Variants in WNT7A observed in about 807,000 individuals in gnomAD.
WNT7A encodes Wnt family member 7A, also known as protein Wnt-7a.
In WNT7A, 16 loss-of-function variants were observed where a neutral mutation model predicts 28.2. That is an observed-to-expected ratio of 0.57 (90% CI 0.38 to 0.86). The LOEUF (loss-of-function observed/expected upper bound fraction) is 0.86, where lower values mean the gene tolerates loss of function less well. WNT7A is among the 40% of genes least tolerant of loss of function. WNT7A has a pLI of 0.00. For synonymous variants in WNT7A, 190 were observed against 195.9 expected (o/e 0.97, Z 0.25); for missense variants, 411 against 489.7 (o/e 0.84, Z 1.52).
intron 3 of WNT7A, among the ~76,000 whole-genome samples, chr3:13,836,825 C>A (rs1694378286): frequency 6.6e-6 from 1 of 152,236 alleles, no homozygotes; most frequent in African/African-American, 2.4e-5. Flanking sequence ...AGGGTATCAC[C>A]TGTGCCTGAG....
At chr3:13,822,895 TG>T (rs1342896391) in intron 3 of WNT7A, among the ~76,000 whole-genome samples, 3 of 152,100 alleles carry the variant, frequency 2.0e-5, no homozygotes, top group African/African-American at 7.2e-5. Context: ...GTGTCCTGGA[TG>T]GGGGTCACTG....
At chr3:13,843,630 G>A (rs886869748) in intron 3 of WNT7A, among the ~76,000 whole-genome samples, 4 of 151,964 alleles carry the variant, frequency 2.6e-5, no homozygotes, top group Admixed American at 6.6e-5. Flanking sequence ...CCTGCAAAAC[G>A]GGCACAATTA....
intron 1 of WNT7A, among the ~76,000 whole-genome samples, chr3:13,879,137 G>A (rs560792326): frequency 6.6e-6 from 1 of 152,222 alleles, no homozygotes; most frequent in African/African-American, 2.4e-5. Flanking sequence ...CCCTTGGCCC[G>A]GGAAGGGGCT....
Position 13,854,740 on chromosome 3 carries a change from G to A in WNT7A, c.362C>T (p.Ala121Val). The A allele has an allele frequency of 1.2e-6, 2 of 1,614,044 alleles. No individual in the cohort carries two copies. Among genetic ancestry groups the A allele is most frequent in the South Asian group, 2.2e-5 (2 of 91,084 alleles). The change falls in exon 3 of 4, where the codon GCT (alanine) becomes GTT (valine). Residue 121 changes from alanine to valine, a missense_variant. Physicochemically the swap from Ala to Val is moderately conservative, Grantham distance 64. Coordinates refer to ENST00000285018, the MANE Select transcript of WNT7A (RefSeq NM_004625.4). ...GCTCAGGTTGCCCTGGGTACAGGCA[G>A]CTGTGATGGCGTGGGCCACGCCGGC... ...IAAGVAHAIT[A>V]ACTQGNLSDC... is the part of the protein sequence containing the mutation.
chr3:13,848,296 A>G (rs891688842), intron 3 of WNT7A, among the ~76,000 whole-genome samples: 5 of 152,246 alleles, frequency 3.3e-5, no homozygotes, highest in African/African-American at 1.2e-4. Context: ...GACAAGCTAC[A>G]GTCTGGGAAA....
intron 2 of WNT7A, among the ~76,000 whole-genome samples, chr3:13,859,966 T>C (rs1431437915): frequency 8.5e-5 from 13 of 152,052 alleles, no homozygotes; most frequent in Non-Finnish European, 1.9e-4. Context: ...GAACCTGTGA[T>C]AAACTCCAGC....
intron 3 of WNT7A, among the ~76,000 whole-genome samples, chr3:13,825,487 C>T (rs58015908): frequency 0.1 from 15,735 of 152,224 alleles, 1,553 homozygotes; most frequent in African/African-American, 0.24. Context: ...AGCCCTGTTA[C>T]GTAGTGTTTC....
At chr3:13,875,751 G>A (rs905563483) in intron 1 of WNT7A, among the ~76,000 whole-genome samples, 1 of 152,176 alleles carries the variant, frequency 6.6e-6, no homozygotes, top group South Asian at 2.1e-4. Flanking sequence ...GTAAGTAGAA[G>A]TCCTGGCATT....
At chr3:13,850,997 T>C (rs1478979093) in intron 3 of WNT7A, among the ~76,000 whole-genome samples, 1 of 152,084 alleles carries the variant, frequency 6.6e-6, no homozygotes, top group East Asian at 1.9e-4. Context: ...CTTTCCCCCT[T>C]TAACCCTCCC....
intron 3 of WNT7A, among the ~76,000 whole-genome samples, chr3:13,847,606 G>A (rs548674667): frequency 2.8e-4 from 43 of 152,320 alleles, no homozygotes; most frequent in African/African-American, 1.0e-3. Flanking sequence ...TAAATAGGCT[G>A]AAAAACGAAA....
In WNT7A at chr3:13,819,256, G is replaced by A. The variant is rs762665204; in HGVS notation, c.738C>T (p.Asn246=). Reference sequence around the variant, plus strand: ...TGATCTTCAGGAAGGTGGGCCGCTTGTTGCGGCTGGCACGCACAGGCTCCA... The same window carrying A: ...TGATCTTCAGGAAGGTGGGCCGCTTATTGCGGCTGGCACGCACAGGCTCCA... ...VHVEPVRASR[N]KRPTFLKIKK... Residue 246 remains asparagine (N), a synonymous_variant, in exon 4 of 4, where the codon AAC becomes AAT. Transcript: ENST00000285018. The A allele has an allele frequency of 3.1e-6, 5 of 1,614,236 alleles. No homozygotes were observed. Among genetic ancestry groups the A allele is most frequent in the Non-Finnish European group, 4.2e-6 (5 of 1,180,040 alleles).
rs73814722 is a variant in WNT7A, at chr3:13,857,841, G to T, written c.299-3038C>A. The stretch of plus-strand genomic sequence containing the variant: ...CTGCTTTCCAGCTGTGTGACCTTGG[G>T]TGAGTCACCTAACCTCTCTGTGCTC... On this transcript the variant is annotated intron_variant, in intron 2 of 3. Transcript: ENST00000285018. Among the ~76,000 whole-genome samples the T allele has an allele frequency of 6.1e-3, 936 of 152,308 alleles. 15 individuals are homozygous for T. Among genetic ancestry groups the T allele is most frequent in the African/African-American group, 0.021 (854 of 41,562 alleles).
intron 3 of WNT7A, among the ~76,000 whole-genome samples, chr3:13,833,252 G>A (rs1694310911): frequency 6.6e-6 from 1 of 152,026 alleles, no homozygotes; most frequent in African/African-American, 2.4e-5. Flanking sequence ...CTCCCTCACA[G>A]GTATGCATGA....
intron 2 of WNT7A, among the ~76,000 whole-genome samples, chr3:13,863,129 C>T (rs1274557485): frequency 6.6e-5 from 10 of 152,256 alleles, no homozygotes; most frequent in Non-Finnish European, 1.0e-4. Flanking sequence ...AAGCTCAGCC[C>T]GCACTTGGTA....
intron 2 of WNT7A, 50 bp downstream of exon 2, chr3:13,874,897 T>C (rs1695080790): frequency 1.1e-5 from 17 of 1,583,848 alleles, no homozygotes; most frequent in East Asian, 6.8e-5. Flanking sequence ...GGTATTCTGG[T>C]GTCCCTAGAG....
chr3:13,850,147 G>A (rs957849120), intron 3 of WNT7A, among the ~76,000 whole-genome samples: 4 of 152,192 alleles, frequency 2.6e-5, no homozygotes, highest in East Asian at 1.9e-4. Flanking sequence ...GCCCAGGGGC[G>A]GGGCAGGAAT....
In WNT7A at chr3:13,879,863, G is replaced by C. The variant is rs749461962; in HGVS notation, c.-47C>G. Reference sequence around the variant, plus strand: ...CCGCGGGCCGGGCTGTGCTGATCCCGCGGGCCGGCCCCGGCGGGGCAATCA... The same window carrying C: ...CCGCGGGCCGGGCTGTGCTGATCCCCCGGGCCGGCCCCGGCGGGGCAATCA... On this transcript the variant is annotated 5_prime_UTR_variant, in exon 1 of 4. Coordinates refer to ENST00000285018, the MANE Select transcript of WNT7A (RefSeq NM_004625.4). 1.7e-5 allele frequency: 25 copies of C among 1,510,436 alleles called. No individual in the cohort carries two copies. In the African/African-American group the frequency reaches 3.1e-4, roughly 19 times the overall value. The allele number at this position is 1,510,436 out of a possible 1,614,324, so 93.6% of individuals were successfully genotyped here.
At position 13,817,423 on chromosome 3, in the gene WNT7A, TACACAC is replaced by T. The variant is rs56090932; in HGVS notation, c.*1515_*1520del. On this transcript the variant is annotated 3_prime_UTR_variant, in exon 4 of 4. Transcript: ENST00000285018. ...CACTCAAGTCCCTAAGAAGATACAG[TACACAC>T]ACACACACACACACACACACACACA... 44,154 of 142,714 alleles carry T rather than the reference TACACAC, an allele frequency of 0.31. 7,576 individuals are homozygous for T. The highest frequency in any genetic ancestry group is 0.47 in the East Asian group (2,188 of 4,622). The allele number at this position is 142,714 out of a possible 1,614,324, so 8.8% of individuals were successfully genotyped here.
chr3:13,856,957 A>AGAAGGAGAAGG (rs1694751670), intron 2 of WNT7A, among the ~76,000 whole-genome samples: 1 of 105,700 alleles, frequency 9.5e-6, no homozygotes, highest in African/African-American at 4.2e-5. Flanking sequence ...GAAGAAGAAG[A>AGAAGGAGAAGG]AGAAGAAGAA....
Sources: allele counts gnomAD v4.1 joint callset (sites outside exome capture counted in the v4.1 genomes callset), GRCh38; gene constraint gnomAD v4.1.1; transcripts MANE v1.5; gene names NCBI Gene and HGNC (gene_info 2026-07-23, HGNC 2026-07-21).